GLI2: variants seen among roughly 807,000 people sequenced by gnomAD.
GLI2 encodes GLI family zinc finger 2, also known as transcription activator GLI2.
Under a neutral mutation model 78.9 loss-of-function variants are expected in GLI2, and 22 were observed. The ratio of observed to expected loss-of-function variants is 0.28; its 90% CI spans 0.20 to 0.40. The LOEUF is 0.40. GLI2 is among the 10% of genes least tolerant of loss of function. GLI2 has a pLI of 1.00. For missense variants in GLI2, 2,097 were observed against 2,213.2 expected (o/e 0.95, Z 1.05); for synonymous variants, 974 against 963.7 (o/e 1.01, Z -0.20).
In GLI2 at chr2:120,906,383, T is replaced by C. The variant is rs181403793; in HGVS notation, c.149-20978T>C. Among the ~76,000 whole-genome samples, 3 of 152,158 alleles carry C rather than the reference T, an allele frequency of 2.0e-5. No individual in the cohort carries two copies. The East Asian group carries it at 5.8e-4, about 29-fold the overall frequency. On this transcript the variant is annotated intron_variant, in intron 2 of 13. Coordinates refer to ENST00000361492, the MANE Select transcript of GLI2 (RefSeq NM_001374353.1). ...CTCCTGCCCTGGACTCCAGGCAGGCTGGAAAGGAGTGGAGCACCCAGGGTC... is the reference window on the plus strand; with the variant it reads ...CTCCTGCCCTGGACTCCAGGCAGGCCGGAAAGGAGTGGAGCACCCAGGGTC...
chr2:120,897,225 T>A (rs1027929410), intron 2 of GLI2, among the ~76,000 whole-genome samples: 1 of 152,228 alleles, frequency 6.6e-6, no homozygotes, highest in African/African-American at 2.4e-5. Flanking sequence ...CCGTGTTGAC[T>A]TCCTGTTAGG....
intron 2 of GLI2, among the ~76,000 whole-genome samples, chr2:120,914,641 G>A (rs1322148195): frequency 6.6e-6 from 1 of 152,170 alleles, no homozygotes; most frequent in African/African-American, 2.4e-5. Flanking sequence ...GTGTCCCTCT[G>A]GAGCTCACCC....
intron 1 of GLI2, among the ~76,000 whole-genome samples, chr2:120,779,991 G>A (rs115908362): frequency 0.021 from 3,190 of 152,272 alleles, 120 homozygotes; most frequent in African/African-American, 0.072. Context: ...AACAACACCC[G>A]CATTCTTTTT....
chr2:120,822,205 G>A (rs1685812078), intron 2 of GLI2, among the ~76,000 whole-genome samples: 1 of 152,260 alleles, frequency 6.6e-6, no homozygotes, highest in Admixed American at 6.5e-5. Context: ...GCTGTTATCA[G>A]CGAAGCACTG....
intron 1 of GLI2, among the ~76,000 whole-genome samples, chr2:120,743,465 ATC>A (rs1682611772): frequency 1.3e-5 from 2 of 152,166 alleles, no homozygotes; most frequent in South Asian, 4.1e-4. Context: ...AAAAAAAGAA[ATC>A]ATCTTAAGAG....
chr2:120,883,205 G>T (rs1677237579), intron 2 of GLI2, among the ~76,000 whole-genome samples: 2 of 152,142 alleles, frequency 1.3e-5, no homozygotes, highest in Non-Finnish European at 2.9e-5. Context: ...AGATAACCTT[G>T]GCCGGGCTGG....
chr2:120,916,172 G>C (rs1237667086), intron 2 of GLI2, among the ~76,000 whole-genome samples: 1 of 152,202 alleles, frequency 6.6e-6, no homozygotes, highest in African/African-American at 2.4e-5. Context: ...CCCAGCAACA[G>C]CCTGAGAAAC....
chr2:120,984,205 C>T (rs922220950), intron 11 of GLI2, among the ~76,000 whole-genome samples: 1 of 152,172 alleles, frequency 6.6e-6, no homozygotes, highest in African/African-American at 2.4e-5. Context: ...TTACACGAGG[C>T]ACATGTGTCC....
At chr2:120,850,711 C>T (rs1687366590) in intron 2 of GLI2, among the ~76,000 whole-genome samples, 1 of 152,082 alleles carries the variant, frequency 6.6e-6, no homozygotes, top group Non-Finnish European at 1.5e-5. Flanking sequence ...GGGAGGGACT[C>T]CAGAAGAGGG....
chr2:120,771,100 A>G (rs1189247235), intron 1 of GLI2, among the ~76,000 whole-genome samples: 1 of 152,220 alleles, frequency 6.6e-6, no homozygotes, highest in Non-Finnish European at 1.5e-5. Flanking sequence ...GCAGCCATGG[A>G]TACCACCCTG....
At position 120,766,788 on chromosome 2, in the gene GLI2, G is replaced by A. The variant is rs540934884; in HGVS notation, c.-31+30503G>A. Among the ~76,000 whole-genome samples the A allele has an allele frequency of 6.6e-5, 10 of 152,300 alleles. No individual in the cohort carries two copies. In the South Asian group the frequency reaches 1.9e-3, roughly 28 times the overall value. On this transcript the variant is annotated intron_variant, in intron 1 of 13. Coordinates refer to ENST00000361492, the MANE Select transcript of GLI2 (RefSeq NM_001374353.1). The stretch of plus-strand genomic sequence containing the variant: ...TGAGAGAGTTGACATTAAAGAAACC[G>A]GTGGCCATCATCATTATATTATTAT...
chr2:120,874,198 C>T (rs564369149), intron 2 of GLI2, among the ~76,000 whole-genome samples: 14 of 152,140 alleles, frequency 9.2e-5, no homozygotes, highest in Non-Finnish European at 1.6e-4. Context: ...GTGCGGGCTC[C>T]GTGGGTCTGT....
At chr2:120,804,883 G>A (rs1452643846) in intron 2 of GLI2, among the ~76,000 whole-genome samples, 1 of 152,216 alleles carries the variant, frequency 6.6e-6, no homozygotes, top group Non-Finnish European at 1.5e-5. Context: ...AGTCTAGTGG[G>A]AAGAGCATGG....
At chr2:120,753,431 G>C (rs1298511699) in intron 1 of GLI2, among the ~76,000 whole-genome samples, 1 of 152,010 alleles carries the variant, frequency 6.6e-6, no homozygotes, top group Non-Finnish European at 1.5e-5. Context: ...TTTGATAGAA[G>C]AAAAAATCTG....
At chr2:120,773,995 C>T (rs967933107) in intron 1 of GLI2, among the ~76,000 whole-genome samples, 1 of 131,696 alleles carries the variant, frequency 7.6e-6, no homozygotes, top group African/African-American at 2.7e-5. Context: ...CTCTGGCTTC[C>T]TCCCCCCTTT....
At chr2:120,986,211 C>A in intron 12 of GLI2, 67 bp from the exon 13 acceptor site, 1 of 1,452,048 alleles carries the variant, frequency 6.9e-7, no homozygotes, top group Non-Finnish European at 9.6e-7. Context: ...CTGTGCAGGC[C>A]TAGAGGCAGG....
Position 120,942,649 on chromosome 2 carries a change from C to G in GLI2, c.255-8594C>G, listed in dbSNP as rs576112065. On this transcript the variant is annotated intron_variant, in intron 3 of 13. Transcript: ENST00000361492. ...GCCCCCCACGTGCCTTCCCTCTGCT[C>G]CTCACAACAGATTTGTAAGATCACT... 3.9e-5 allele frequency among the ~76,000 whole-genome samples: 6 copies of G among 152,324 alleles called. No homozygotes were observed. The South Asian group carries it at 1.2e-3, about 32-fold the overall frequency.
In GLI2 at chr2:120,990,155, A is replaced by T; in HGVS notation, c.4190A>T (p.Glu1397Val). The change falls in exon 14 of 14, where the codon GAG (glutamate) becomes GTG (valine). Residue 1397 changes from glutamate to valine, a missense_variant. Physicochemically the swap from Glu to Val is moderately radical, Grantham distance 121. This residue lies in a region of GLI2 where 1,290 missense variants were observed against 1,261.7 expected (regional missense o/e 1.02). Transcript: ENST00000361492. ...ATGCCGTCCAGTCAGGAAACAGCAG[A>T]GGCTGTGCCCAAGGGAGCGATGGGC... ...AAMPSSQETA[E>V]AVPKGAMGNM... 1 of 1,611,466 alleles carries T rather than the reference A, an allele frequency of 6.2e-7. No homozygotes were observed. Among genetic ancestry groups the T allele is most frequent in the Non-Finnish European group, 8.5e-7 (1 of 1,178,652 alleles).
intron 1 of GLI2, among the ~76,000 whole-genome samples, chr2:120,773,922 C>CTT (rs1683597994): frequency 7.2e-6 from 1 of 139,630 alleles, no homozygotes; most frequent in Non-Finnish European, 1.6e-5. Context: ...TCCTTCCTTC[C>CTT]TTCCTTCCTT....
Sources: gnomAD v4.1 joint callset for allele counts (sites outside exome capture counted in the v4.1 genomes callset) on GRCh38, gnomAD v4.1.1 for gene constraint, gnomAD v4.1.1 regional missense constraint, MANE v1.5 for transcripts, NCBI Gene and HGNC (gene_info 2026-07-23, HGNC 2026-07-21) for gene names.